Variants in TOP1MT observed in about 807,000 individuals in gnomAD.
TOP1MT encodes the protein DNA topoisomerase I mitochondrial.
In TOP1MT, 80 loss-of-function variants were observed where a neutral mutation model predicts 73.9. The ratio of observed to expected loss-of-function variants is 1.08; its 90% CI spans 0.90 to 1.30. The LOEUF is 1.30. Among genes scored for constraint, TOP1MT ranks in the 50% most tolerant of loss-of-function variants. The probability of loss-of-function intolerance (pLI) is 0.00; values close to 1 mark genes in which losing one functional copy is unlikely to be tolerated. For synonymous variants in TOP1MT, 338 were observed against 326.4 expected (o/e 1.04, Z -0.38); for missense variants, 815 against 808.0 (o/e 1.01, Z -0.10).
intron 6 of TOP1MT, 40 bp from the exon 7 acceptor site, chr8:143,324,182 C>T (rs1816639882): frequency 6.2e-7 from 1 of 1,607,544 alleles, no homozygotes; most frequent in Non-Finnish European, 8.5e-7. Context: ...CATTCACATT[C>T]CTGTTAAATA....
intron 1 of TOP1MT, among the ~76,000 whole-genome samples, chr8:143,354,481 G>A (rs1401355996): frequency 6.6e-6 from 1 of 151,422 alleles, no homozygotes; most frequent in African/African-American, 2.5e-5. Context: ...GGGAGGCTGA[G>A]GCAGGCGGAT....
At chr8:143,324,720 G>A in intron 5 of TOP1MT, 91 bp from the exon 6 acceptor site, 1 of 1,463,036 alleles carries the variant, frequency 6.8e-7, no homozygotes, top group Non-Finnish European at 9.2e-7. Flanking sequence ...CGTCCCACGT[G>A]GTGGCTATGG....
At chr8:143,359,132 G>T, upstream of TOP1MT, 3 of 780,412 alleles carry the variant, frequency 3.8e-6, no homozygotes, top group Non-Finnish European at 3.1e-6. Flanking sequence ...GTGAGCCACC[G>T]CACCGGCCCT....
upstream of TOP1MT, chr8:143,356,155 G>A (rs1586788812): frequency 6.6e-6 from 1 of 152,396 alleles, no homozygotes; most frequent in African/African-American, 2.4e-5. Flanking sequence ...CCAGCGGGCA[G>A]ACAGACACAA....
chr8:143,349,121 G>C (rs375734422), upstream of TOP1MT, among the ~76,000 whole-genome samples: 8 of 152,062 alleles, frequency 5.3e-5, no homozygotes, highest in African/African-American at 1.9e-4. Context: ...ACCAACAGGC[G>C]GGCCATGAGC....
At chr8:143,335,366 A>C (rs1310970098), upstream of TOP1MT, among the ~76,000 whole-genome samples, 3 of 152,200 alleles carry the variant, frequency 2.0e-5, no homozygotes, top group Admixed American at 6.5e-5. Context: ...CGGCAGAAGC[A>C]CCTGCTGTCC....
intron 10 of TOP1MT, among the ~76,000 whole-genome samples, chr8:143,316,463 G>A (rs1816167708): frequency 6.6e-6 from 1 of 150,440 alleles, no homozygotes; most frequent in African/African-American, 2.5e-5. Flanking sequence ...TTCCCCTGGC[G>A]AGTCTGTGGG....
chr8:143,342,053 A>G lies in TOP1MT; in HGVS notation c.29+1167T>C, dbSNP rs1406578638. On this transcript the variant is annotated intron_variant, in intron 2 of 5. Transcript: ENST00000518007. The stretch of plus-strand genomic sequence containing the variant: ...ACAGAGTCTCGCTGTTATTATTATT[A>G]TTAGAGACAGAGTCTCGCTCTGTTA... Among the ~76,000 whole-genome samples, 10 of 138,612 alleles carry G rather than the reference A, an allele frequency of 7.2e-5. 1 individual carries two copies. The highest frequency in any genetic ancestry group is 3.2e-4 in the African/African-American group (10 of 31,126). 90.9% of individuals were successfully genotyped at this position (138,612 alleles called of 152,430 possible). A position where few individuals can be genotyped will look rare whatever the true frequency, so the allele number is the denominator to read the frequency against.
intron 2 of TOP1MT, among the ~76,000 whole-genome samples, chr8:143,330,239 G>A (rs928380651): frequency 9.9e-5 from 15 of 152,238 alleles, no homozygotes; most frequent in African/African-American, 1.7e-4. Flanking sequence ...GGCCCCACGC[G>A]ACACCACCAC....
chr8:143,355,896 CT>C (rs1225925755), intron 1 of TOP1MT: 1 of 152,272 alleles, frequency 6.6e-6, no homozygotes, highest in African/African-American at 2.4e-5. Context: ...TGTGCCCTCG[CT>C]CCCCCCATTC....
chr8:143,335,717 A>G (rs1816970700), upstream of TOP1MT, among the ~76,000 whole-genome samples: 3 of 152,238 alleles, frequency 2.0e-5, no homozygotes, highest in Non-Finnish European at 2.9e-5. Flanking sequence ...AAGCAGATGA[A>G]TTCACATGCA....
At chr8:143,309,720 C>G in intron 13 of TOP1MT, 177 bp from the exon 14 acceptor site, 1 of 1,525,360 alleles carries the variant, frequency 6.6e-7, no homozygotes, top group South Asian at 1.2e-5. Context: ...CACCCTGGAG[C>G]ATCAGCGAGG....
At chr8:143,309,781 G>A in intron 13 of TOP1MT, 1 of 1,533,464 alleles carries the variant, frequency 6.5e-7, no homozygotes, top group East Asian at 2.5e-5. Context: ...AGGGCGCTCA[G>A]CCACCTCCCA....
intron 1 of TOP1MT, among the ~76,000 whole-genome samples, chr8:143,352,186 C>A (rs1028074341): frequency 6.6e-6 from 1 of 152,206 alleles, no homozygotes; most frequent in African/African-American, 2.4e-5. Flanking sequence ...ACAACCTGAT[C>A]CTAAAATTCA....
chr8:143,350,694 C>T (rs1817306276), intron 1 of TOP1MT, among the ~76,000 whole-genome samples: 1 of 152,196 alleles, frequency 6.6e-6, no homozygotes, highest in African/African-American at 2.4e-5. Flanking sequence ...CTCAAATTCC[C>T]TAATTGTCTC....
Position 143,322,061 on chromosome 8 carries a change from C to T in TOP1MT, c.961-675G>A, listed in dbSNP as rs575136162. On this transcript the variant is annotated intron_variant, in intron 7 of 13. Coordinates refer to ENST00000329245, the MANE Select transcript of TOP1MT (RefSeq NM_052963.3). Reference sequence around the variant, plus strand: ...CAGATGCATGCCACACACACAGGCACGCCACACACGCACGCCACACACAGG... The same window carrying T: ...CAGATGCATGCCACACACACAGGCATGCCACACACGCACGCCACACACAGG... Among the ~76,000 whole-genome samples, 49 of 98,960 alleles carry T rather than the reference C, an allele frequency of 5.0e-4. 1 individual carries two copies. The highest frequency in any genetic ancestry group is 1.5e-3 in the African/African-American group (44 of 29,554). 64.9% of individuals were successfully genotyped at this position (98,960 alleles called of 152,430 possible).
chr8:143,325,912 G>A (rs1175779950), intron 4 of TOP1MT, among the ~76,000 whole-genome samples: 5 of 152,190 alleles, frequency 3.3e-5, no homozygotes, highest in African/African-American at 7.2e-5. Context: ...GTAGGGAGAC[G>A]CATGGCACAG....
chr8:143,316,280 C>T (rs1027187443), intron 10 of TOP1MT, among the ~76,000 whole-genome samples, 154 bp from the exon 11 acceptor site: 2 of 152,200 alleles, frequency 1.3e-5, no homozygotes, highest in Non-Finnish European at 2.9e-5. Context: ...GGTCAGTGAC[C>T]CTCCAAGGTG....
intron 3 of TOP1MT, among the ~76,000 whole-genome samples, chr8:143,328,980 C>A (rs1324245082): frequency 2.6e-5 from 4 of 152,212 alleles, no homozygotes; most frequent in African/African-American, 4.8e-5. Flanking sequence ...TTCCTGGGGG[C>A]TGGGAAATGG....
Sources: allele counts gnomAD v4.1 joint callset (sites outside exome capture counted in the v4.1 genomes callset), GRCh38; gene constraint gnomAD v4.1.1; transcripts MANE v1.5; gene names NCBI Gene and HGNC (gene_info 2026-07-23, HGNC 2026-07-21).